PTPRG: variants seen among roughly 807,000 people sequenced by gnomAD.
PTPRG encodes protein tyrosine phosphatase receptor type G.
PTPRG carries 102 observed loss-of-function variants against 165.3 expected under a neutral mutation model. The ratio of observed to expected loss-of-function variants is 0.62; its 90% CI spans 0.53 to 0.73. The LOEUF (loss-of-function observed/expected upper bound fraction) is 0.73. Ranked by LOEUF, PTPRG falls within the 30% of genes least tolerant of loss-of-function variation. PTPRG has a pLI of 0.00. For missense variants in PTPRG, 1,866 were observed against 1,861.4 expected, an observed-to-expected ratio of 1.00 and a Z score of -0.05; for synonymous variants, 675 against 669.5, an observed-to-expected ratio of 1.01 and a Z score of -0.13.
chr3:62,278,103 C>T (rs1002300736), intron 26 of PTPRG, among the ~76,000 whole-genome samples: 1 of 152,030 alleles, frequency 6.6e-6, no homozygotes, highest in Non-Finnish European at 1.5e-5. Context: ...GACATACATA[C>T]TATTATTATC....
chr3:62,247,715 CT>C (rs1000429299), intron 15 of PTPRG, among the ~76,000 whole-genome samples: 1 of 152,164 alleles, frequency 6.6e-6, no homozygotes, highest in Non-Finnish European at 1.5e-5. Flanking sequence ...AATTTAGACA[CT>C]AACTCAGCAA....
chr3:62,086,607 C>T (rs1395535037), intron 5 of PTPRG, among the ~76,000 whole-genome samples: 1 of 152,116 alleles, frequency 6.6e-6, no homozygotes, highest in Non-Finnish European at 1.5e-5. Context: ...TTGGTTTTAT[C>T]CAGATATAAG....
chr3:61,710,875 A>C (rs1039872452), intron 1 of PTPRG, among the ~76,000 whole-genome samples: 1 of 152,080 alleles, frequency 6.6e-6, no homozygotes, highest in Non-Finnish European at 1.5e-5. Context: ...GCACCCATCA[A>C]CCCATCATCT....
intron 5 of PTPRG, among the ~76,000 whole-genome samples, chr3:62,131,736 C>A (rs1222207399): frequency 1.3e-5 from 2 of 152,064 alleles, no homozygotes; most frequent in East Asian, 3.9e-4. Context: ...ATCCTATACC[C>A]ACCACCCAAG....
intron 2 of PTPRG, among the ~76,000 whole-genome samples, chr3:61,801,494 G>T (rs993067559): frequency 1.3e-5 from 2 of 151,896 alleles, no homozygotes; most frequent in Non-Finnish European, 2.9e-5. Flanking sequence ...AGGGGTGGAG[G>T]GGGGAAGAAA....
intron 4 of PTPRG, among the ~76,000 whole-genome samples, chr3:62,036,993 A>G (rs1198532735): frequency 4.7e-5 from 7 of 149,860 alleles, no homozygotes; most frequent in African/African-American, 1.7e-4. Context: ...GCACACACAC[A>G]CACACACACA....
chr3:61,864,419 C>T (rs551861436), intron 2 of PTPRG, among the ~76,000 whole-genome samples: 4 of 152,150 alleles, frequency 2.6e-5, no homozygotes, highest in African/African-American at 7.2e-5. Context: ...GTGTCCCGAT[C>T]GCTGAGTATG....
chr3:62,241,241 G>C (rs917527410), intron 14 of PTPRG, among the ~76,000 whole-genome samples: 1 of 152,140 alleles, frequency 6.6e-6, no homozygotes, highest in African/African-American at 2.4e-5. Flanking sequence ...GACAGCGGCG[G>C]GAATGTGTTG....
intron 2 of PTPRG, among the ~76,000 whole-genome samples, chr3:61,961,872 G>A (rs922132891): frequency 2.6e-5 from 4 of 152,132 alleles, no homozygotes; most frequent in African/African-American, 9.7e-5. Flanking sequence ...TCTTTATCAG[G>A]CCTTCCAGGT....
intron 14 of PTPRG, among the ~76,000 whole-genome samples, chr3:62,242,904 G>A (rs191165824): frequency 1.8e-4 from 28 of 152,186 alleles, no homozygotes; most frequent in African/African-American, 5.5e-4. Context: ...GAAGGATGCC[G>A]CCTGCTTGGC....
rs1208162277 is a variant in PTPRG, at chr3:61,754,384, T to C, written c.190+5402T>C. 7.9e-5 allele frequency among the ~76,000 whole-genome samples: 12 copies of C among 152,120 alleles called. 1 individual carries two copies. The highest frequency in any genetic ancestry group is 7.9e-4 in the Admixed American group (12 of 15,260). ...AGGTATTACCTGTGTGGCTCTTCAT[T>C]ATATGCCACCTCACTACACTGTTCA... On this transcript the variant is annotated intron_variant, in intron 2 of 29. Transcript: ENST00000474889.
chr3:61,806,893 T>G (rs2035435404), intron 2 of PTPRG, among the ~76,000 whole-genome samples: 1 of 152,212 alleles, frequency 6.6e-6, no homozygotes, highest in Non-Finnish European at 1.5e-5. Context: ...TAAGTTCTAT[T>G]AAATTTTATA....
At chr3:61,912,182 A>G (rs563415755) in intron 2 of PTPRG, among the ~76,000 whole-genome samples, 2 of 152,062 alleles carry the variant, frequency 1.3e-5, no homozygotes, top group Admixed American at 6.5e-5. Context: ...AAAATGCGCA[A>G]CAGTATAGTC....
intron 2 of PTPRG, among the ~76,000 whole-genome samples, chr3:61,824,713 C>T (rs12636111): frequency 0.24 from 36,656 of 152,108 alleles, 4,604 homozygotes; most frequent in East Asian, 0.29. Flanking sequence ...ATCAGTCAAG[C>T]CCAGGAAGTC....
At chr3:61,814,410 T>C (rs2035694645) in intron 2 of PTPRG, among the ~76,000 whole-genome samples, 1 of 152,308 alleles carries the variant, frequency 6.6e-6, no homozygotes, top group East Asian at 1.9e-4. Flanking sequence ...GCTAGTTTTT[T>C]ATCAGAGAGT....
chr3:62,265,379 T>G (rs555466003), intron 17 of PTPRG, among the ~76,000 whole-genome samples: 34 of 152,306 alleles, frequency 2.2e-4, no homozygotes, highest in Admixed American at 2.0e-3. Flanking sequence ...TTCCATTTGA[T>G]CCTAATGTAA....
chr3:61,611,833 A>G (rs1161048967), intron 1 of PTPRG, among the ~76,000 whole-genome samples: 1 of 152,250 alleles, frequency 6.6e-6, no homozygotes, highest in Non-Finnish European at 1.5e-5. Context: ...GTGTCAGGAA[A>G]TATTCTTTTG....
intron 2 of PTPRG, among the ~76,000 whole-genome samples, chr3:61,783,454 C>CA: frequency 6.6e-6 from 1 of 152,172 alleles, no homozygotes; most frequent in Non-Finnish European, 1.5e-5. Context: ...TGCCAGTTCA[C>CA]ACAGTATCAC....
intron 3 of PTPRG, among the ~76,000 whole-genome samples, chr3:61,992,959 G>A (rs1489608986): frequency 1.3e-5 from 2 of 151,884 alleles, no homozygotes; most frequent in Non-Finnish European, 2.9e-5. Flanking sequence ...GAGCCACCAT[G>A]CTTGGCTATT....
Sources: allele counts gnomAD v4.1 joint callset (sites outside exome capture counted in the v4.1 genomes callset), GRCh38; gene constraint gnomAD v4.1.1; transcripts MANE v1.5; gene names NCBI Gene and HGNC (gene_info 2026-07-23, HGNC 2026-07-21).